GATA6: variants seen among roughly 807,000 people sequenced by gnomAD.
GATA6 encodes GATA binding protein 6.
GATA6 carries 11 observed loss-of-function variants against 48.1 expected under a neutral mutation model. The ratio of observed to expected loss-of-function variants is 0.23; its 90% CI spans 0.14 to 0.38. The LOEUF is 0.38. Among genes scored for constraint, GATA6 ranks in the 10% least tolerant of loss-of-function variants. The pLI, the probability that GATA6 is intolerant of heterozygous loss-of-function variation, is 1.00. For synonymous variants in GATA6, 419 were observed against 396.1 expected (o/e 1.06, Z -0.69); for missense variants, 795 against 850.3 (o/e 0.93, Z 0.81).
chr18:22,171,924 G>A lies in GATA6; in HGVS notation c.780G>A (p.Ser260=), dbSNP rs1157916092. The part of the protein sequence containing the change: ...GGAGSAAAHV[S]ARFPYSPSPP... Reference sequence around the variant, plus strand: ...CTGGCTCAGCCGCGGCGCACGTCTCGGCGCGCTTCCCCTACTCTCCCAGCC... The same window carrying A: ...CTGGCTCAGCCGCGGCGCACGTCTCAGCGCGCTTCCCCTACTCTCCCAGCC... Residue 260 remains serine, a synonymous_variant, in exon 2 of 7, where the codon TCG becomes TCA. Coordinates refer to ENST00000269216, the MANE Select transcript of GATA6 (RefSeq NM_005257.6). This position sits in a 1 kb window ranked among gnomAD's most constrained non-coding sequence, Gnocchi z 7.1. The A allele has an allele frequency of 8.5e-7, 1 of 1,180,394 alleles. No individual in the cohort carries two copies. Among genetic ancestry groups the A allele is most frequent in the Non-Finnish European group, 1.0e-6 (1 of 955,422 alleles). 73.1% of individuals were successfully genotyped at this position (1,180,394 alleles called of 1,614,324 possible). A position where few individuals can be genotyped will look rare whatever the true frequency, so the allele number is the denominator to read the frequency against.
At chr18:22,181,818 C>T (rs1362191368) in intron 4 of GATA6, among the ~76,000 whole-genome samples, 1 of 152,046 alleles carries the variant, frequency 6.6e-6, no homozygotes, top group Non-Finnish European at 1.5e-5. Context: ...AAAAATGCTA[C>T]CAGTTGAACT....
At chr18:22,182,688 G>A (rs1052509937) in intron 4 of GATA6, 69 bp from the exon 5 acceptor site, 17 of 1,115,408 alleles carry the variant, frequency 1.5e-5, no homozygotes, top group Non-Finnish European at 2.3e-5. Flanking sequence ...AGCTTTTAGT[G>A]CCAATGTTGG....
intron 3 of GATA6, among the ~76,000 whole-genome samples, chr18:22,178,184 G>A (rs2143292995): frequency 6.6e-6 from 1 of 151,646 alleles, no homozygotes; most frequent in Non-Finnish European, 1.5e-5. Context: ...GGCTGGTCTC[G>A]AACTCCCGAT....
rs555843081 is a variant in GATA6 at position 22,185,464 on chromosome 18, G to C, written c.1620+2421G>C. Among the ~76,000 whole-genome samples, 1 of 152,222 alleles carries C rather than the reference G, an allele frequency of 6.6e-6. No homozygotes were observed. The highest frequency in any genetic ancestry group is 2.4e-5 in the African/African-American group (1 of 41,466). ...AGCTGCAGCCAGGGGGCATCTCTCC[G>C]AGCTCTCCAGCCTCTGGGCTGCGCA... On this transcript the variant is annotated intron_variant, in intron 6 of 6. Transcript: ENST00000269216. This position sits in a 1 kb window ranked among gnomAD's most constrained non-coding sequence, Gnocchi z 4.3.
In GATA6 at chr18:22,171,864, C is replaced by T; in HGVS notation, c.720C>T (p.Gly240=). 1 of 1,172,404 alleles carries T rather than the reference C, an allele frequency of 8.5e-7. No individual in the cohort carries two copies. The highest frequency in any genetic ancestry group is 1.1e-6 in the Non-Finnish European group (1 of 950,580). 72.6% of individuals were successfully genotyped at this position (1,172,404 alleles called of 1,614,324 possible). ...GCCCTCCATACGGCAGCGGAGGCGG[C>T]GCGGCTGGCGGCGGGGCCGCGGGGC... The part of the protein sequence containing the change: ...ADSPPYGSGG[G]AAGGGAAGPG... The change falls in exon 2 of 7, where the codon GGC becomes GGT. Residue 240 remains glycine (G), a synonymous_variant. Coordinates refer to ENST00000269216, the MANE Select transcript of GATA6 (RefSeq NM_005257.6). The surrounding 1 kb of genome is among the most constrained non-coding windows in gnomAD (Gnocchi z 7.1).
At chr18:22,181,310 A>T (rs1027074595) in intron 3 of GATA6, 143 bp from the exon 4 acceptor site, 64 of 1,047,184 alleles carry the variant, frequency 6.1e-5, no homozygotes, top group Non-Finnish European at 8.5e-5. Context: ...GTACACTGCA[A>T]TTTTTTTTCT....
intron 6 of GATA6, among the ~76,000 whole-genome samples, chr18:22,184,719 G>A (rs553440086): frequency 1.3e-5 from 2 of 151,872 alleles, no homozygotes; most frequent in East Asian, 1.9e-4. Context: ...GGGTGGTCTC[G>A]AACTCCTGTC....
intron 6 of GATA6, among the ~76,000 whole-genome samples, chr18:22,188,856 G>A (rs1220222670): frequency 6.6e-6 from 1 of 152,006 alleles, no homozygotes; most frequent in Non-Finnish European, 1.5e-5. Flanking sequence ...AGGGATCCTG[G>A]GGGCAGGATG....
chr18:22,195,593 G>A (rs2033379728), intron 6 of GATA6, among the ~76,000 whole-genome samples: 2 of 152,178 alleles, frequency 1.3e-5, no homozygotes, highest in Non-Finnish European at 2.9e-5. Context: ...TCAAAGAAAG[G>A]TATAGATGGC....
At chr18:22,175,599 A>T (rs1167220248) in intron 2 of GATA6, 11 of 152,230 alleles carry the variant, frequency 7.2e-5, no homozygotes, top group African/African-American at 2.7e-4. Context: ...GACAACTTTG[A>T]ACTCGGGTTG....
At chr18:22,183,864 G>A (rs966499883) in intron 6 of GATA6, among the ~76,000 whole-genome samples, 4 of 152,242 alleles carry the variant, frequency 2.6e-5, no homozygotes, top group African/African-American at 9.6e-5. Context: ...CGGCAAGCAG[G>A]ACTTTAAAAT....
intron 6 of GATA6, among the ~76,000 whole-genome samples, chr18:22,194,855 G>A (rs924842655): frequency 6.6e-6 from 1 of 152,050 alleles, no homozygotes; most frequent in Non-Finnish European, 1.5e-5. Flanking sequence ...AACTCTGAAC[G>A]CCTTCTACTT....
intron 6 of GATA6, among the ~76,000 whole-genome samples, chr18:22,199,430 A>G (rs2033428881): frequency 6.6e-6 from 1 of 152,260 alleles, no homozygotes; most frequent in African/African-American, 2.4e-5. Context: ...TAAAAAGTAC[A>G]TGATTATGGC....
At chr18:22,184,322 AG>A (rs1444550073) in intron 6 of GATA6, among the ~76,000 whole-genome samples, 1 of 151,226 alleles carries the variant, frequency 6.6e-6, no homozygotes, top group Admixed American at 6.6e-5. Flanking sequence ...TCACAAGGGA[AG>A]AAGCCTTTTA....
chr18:22,171,718 A>T lies in GATA6; in HGVS notation c.574A>T (p.Thr192Ser). 6.7e-7 allele frequency: 1 copy of T among 1,490,640 alleles called. No individual in the cohort carries two copies. Among genetic ancestry groups the T allele is most frequent in the South Asian group, 1.3e-5 (1 of 79,642 alleles). The allele number at this position is 1,490,640 out of a possible 1,614,324, so 92.3% of individuals were successfully genotyped here. ...AASSPVYVPT[T>S]RVGSMLPGLP... ...CAGCTCCCCGGTCTACGTGCCCACC[A>T]CCCGCGTGGGTTCCATGCTGCCCGG... Residue 192 changes from threonine (T) to serine (S), a missense_variant, in exon 2 of 7, where the codon ACC (threonine) becomes TCC (serine). Around this residue, in one of 5 missense-constraint regions of GATA6, gnomAD observed 591 missense variants for 570.0 expected, o/e 1.04. Transcript: ENST00000269216. This position sits in a 1 kb window ranked among gnomAD's most constrained non-coding sequence, Gnocchi z 7.1.
rs1365018424 is a variant in GATA6 at position 22,172,107 on chromosome 18, G to C, written c.963G>C (p.Gly321=). Residue 321 remains glycine (G), a synonymous_variant, in exon 2 of 7, where the codon GGG becomes GGC. Transcript: ENST00000269216. The surrounding 1 kb of genome is among the most constrained non-coding windows in gnomAD (Gnocchi z 5.2). ...TGTCGGCCGCGCGGCCGCTGAACGGGACGTACCACCACCACCACCACCACC... is the reference window on the plus strand; with the variant it reads ...TGTCGGCCGCGCGGCCGCTGAACGGCACGTACCACCACCACCACCACCACC... ...SSLSAARPLN[G]TYHHHHHHHH... The C allele has an allele frequency of 2.0e-6, 3 of 1,504,848 alleles. No individual in the cohort carries two copies. The highest frequency in any genetic ancestry group is 2.6e-6 in the Non-Finnish European group (3 of 1,132,628). 93.2% of individuals were successfully genotyped at this position (1,504,848 alleles called of 1,614,324 possible). A position where few individuals can be genotyped will look rare whatever the true frequency, so the allele number is the denominator to read the frequency against.
chr18:22,200,700 C>T lies in GATA6; in HGVS notation c.1665C>T (p.Pro555=), dbSNP rs1163876813. 1 of 1,614,234 alleles carries T rather than the reference C, an allele frequency of 6.2e-7. No individual in the cohort carries two copies. The highest frequency in any genetic ancestry group is 8.5e-7 in the Non-Finnish European group (1 of 1,180,040). ...CTGGTGCGGGAGAGAGCACCAATCCCGAGAACAGCGAGCTCAAGTATTCGG... is the reference window on the plus strand; with the variant it reads ...CTGGTGCGGGAGAGAGCACCAATCCTGAGAACAGCGAGCTCAAGTATTCGG... The part of the protein sequence containing the change: ...VMTGAGESTN[P]ENSELKYSGQ... Residue 555 remains proline (P), a synonymous_variant, in exon 7 of 7, where the codon CCC becomes CCT. Transcript: ENST00000269216.
intron 2 of GATA6, among the ~76,000 whole-genome samples, chr18:22,175,835 A>T (rs2143287356): frequency 6.6e-6 from 1 of 152,336 alleles, no homozygotes; most frequent in South Asian, 2.1e-4. Context: ...ATGTTTATTT[A>T]CTTTAAAAAG....
At chr18:22,193,237 T>C (rs1175667135) in intron 6 of GATA6, among the ~76,000 whole-genome samples, 1 of 152,228 alleles carries the variant, frequency 6.6e-6, no homozygotes, top group East Asian at 1.9e-4. Flanking sequence ...GAGAGTTTCA[T>C]TGTGATTGGT....
Sources: gnomAD v4.1 joint callset for allele counts (sites outside exome capture counted in the v4.1 genomes callset) on GRCh38, gnomAD v4.1.1 for gene constraint, gnomAD v4.1.1 regional missense constraint, Gnocchi (gnomAD v3.1) non-coding constraint, MANE v1.5 for transcripts, NCBI Gene and HGNC (gene_info 2026-07-23, HGNC 2026-07-21) for gene names.